BTRC: variants seen among roughly 807,000 people sequenced by gnomAD.
The protein encoded by BTRC is beta-transducin repeat containing E3 ubiquitin protein ligase.
In BTRC, 42 loss-of-function variants were observed where a neutral mutation model predicts 85.5. The observed-to-expected ratio is 0.49, with a 90% CI of 0.38 to 0.64. The LOEUF (loss-of-function observed/expected upper bound fraction) is 0.64, where lower values mean the gene tolerates loss of function less well. BTRC is among the 30% of genes least tolerant of loss of function. BTRC has a pLI of 0.00. For synonymous variants in BTRC, 255 were observed against 263.3 expected, an observed-to-expected ratio of 0.97 and a Z score of 0.30; for missense variants, 594 against 743.5, an observed-to-expected ratio of 0.80 and a Z score of 2.34.
In BTRC at chr10:101,532,402, A is replaced by G. The variant is rs983827417; in HGVS notation, c.948A>G (p.Ile316Met). 6.2e-7 allele frequency: 1 copy of G among 1,612,982 alleles called. No homozygotes were observed. The highest frequency in any genetic ancestry group is 1.3e-5 in the African/African-American group (1 of 74,890). ...GTTTACAGTATGATGATCAGAAAAT[A>G]GTAAGCGGCCTTCGAGACAACACAA... is the stretch of plus-strand genomic sequence containing the variant. ...VYCLQYDDQK[I>M]VSGLRDNTIK... Residue 316 changes from isoleucine to methionine, a missense_variant, in exon 8 of 15, where the codon ATA becomes ATG. By Grantham distance (10) the Ile-to-Met change is conservative. Transcript: ENST00000370187.
chr10:101,475,948 T>TATATATATATATATATATATAC lies in BTRC; in HGVS notation c.235-3414_235-3413insATATATATATATATACATATAT, dbSNP rs1564795659. On this transcript the variant is annotated intron_variant, in intron 3 of 14. Transcript: ENST00000370187. ...ATATATATATATATATATATATATATATATATTCAGTAATTCCTAAGGGGA... is the reference window on the plus strand; with the variant it reads ...ATATATATATATATATATATATATATATATATATATATATATATATACATATATTCAGTAATTCCTAAGGGGA... Among the ~76,000 whole-genome samples, 4 of 132,278 alleles carry TATATATATATATATATATATAC rather than the reference T, an allele frequency of 3.0e-5. 1 individual carries two copies. The highest frequency in any genetic ancestry group is 6.4e-5 in the Non-Finnish European group (4 of 62,540). 86.8% of individuals were successfully genotyped at this position (132,278 alleles called of 152,430 possible). A position where few individuals can be genotyped will look rare whatever the true frequency, so the allele number is the denominator to read the frequency against.
intron 6 of BTRC, among the ~76,000 whole-genome samples, chr10:101,529,597 G>A (rs1247989506): frequency 6.6e-6 from 1 of 152,126 alleles, no homozygotes; most frequent in Non-Finnish European, 1.5e-5. Context: ...AACGCATCTT[G>A]TTTCCCCTTT....
At chr10:101,441,834 T>A (rs1049200110) in intron 2 of BTRC, among the ~76,000 whole-genome samples, 34 of 122,802 alleles carry the variant, frequency 2.8e-4, no homozygotes, top group Middle Eastern at 7.9e-3. Flanking sequence ...TCAGCCGAGA[T>A]CACACCCACT....
intron 3 of BTRC, among the ~76,000 whole-genome samples, chr10:101,471,949 G>A (rs1319083081): frequency 1.3e-5 from 2 of 151,970 alleles, no homozygotes; most frequent in Non-Finnish European, 2.9e-5. Flanking sequence ...AGCCTCTTTC[G>A]GCAGGCTTCC....
At chr10:101,449,292 C>A (rs1034199120) in intron 2 of BTRC, among the ~76,000 whole-genome samples, 5 of 151,480 alleles carry the variant, frequency 3.3e-5, no homozygotes, top group East Asian at 3.9e-4. Context: ...AAACAAAAAA[C>A]CAGGAAACAA....
At chr10:101,542,246 C>T (rs1201969737) in intron 13 of BTRC, among the ~76,000 whole-genome samples, 11 of 152,024 alleles carry the variant, frequency 7.2e-5, no homozygotes, top group African/African-American at 2.7e-4. Flanking sequence ...CTGTTAGGAG[C>T]ATAGTCCTGT....
chr10:101,414,662 C>T (rs761865382), intron 1 of BTRC: 1 of 517,580 alleles, frequency 1.9e-6, no homozygotes, highest in Non-Finnish European at 3.9e-6. Context: ...AAAGACCTTC[C>T]AGTGCCATAA....
At chr10:101,548,310 A>G (rs1234661873) in intron 13 of BTRC, among the ~76,000 whole-genome samples, 4 of 152,264 alleles carry the variant, frequency 2.6e-5, no homozygotes, top group African/African-American at 9.6e-5. Context: ...TAATAGCCAT[A>G]AACTATAATC....
At chr10:101,447,618 C>T (rs1241203576) in intron 2 of BTRC, among the ~76,000 whole-genome samples, 1 of 152,008 alleles carries the variant, frequency 6.6e-6, no homozygotes, top group East Asian at 1.9e-4. Flanking sequence ...TGGTATTTTC[C>T]ATTCCATAAC....
rs1262438175 is a variant in BTRC at position 101,538,293 on chromosome 10, A to G, written c.1578A>G (p.Gly526=). ...NKRIVSGAYD[G]KIKVWDLVAA... ...TTTTTGTCCCCTTTTTGATCTTTAGAAAAATTAAAGTGTGGGATCTTGTGG... is the reference window on the plus strand; with the variant it reads ...TTTTTGTCCCCTTTTTGATCTTTAGGAAAATTAAAGTGTGGGATCTTGTGG... The change falls in exon 13 of 15, where the codon GGA becomes GGG. Residue 526 remains glycine (G), a splice_region_variant and synonymous_variant. Coordinates refer to ENST00000370187, the MANE Select transcript of BTRC (RefSeq NM_033637.4). 1.9e-6 allele frequency: 3 copies of G among 1,613,742 alleles called. No homozygotes were observed. Among genetic ancestry groups the G allele is most frequent in the Non-Finnish European group, 1.7e-6 (2 of 1,179,706 alleles).
chr10:101,441,879 C>CAAAAA (rs35543012), intron 2 of BTRC, among the ~76,000 whole-genome samples: 33 of 85,624 alleles, frequency 3.9e-4, no homozygotes, highest in Non-Finnish European at 5.4e-4. Flanking sequence ...GAGACTGTCT[C>CAAAAA]AAAAAAAAAA....
intron 4 of BTRC, among the ~76,000 whole-genome samples, chr10:101,497,562 C>T (rs549871342): frequency 3.4e-4 from 51 of 152,102 alleles, no homozygotes; most frequent in African/African-American, 1.1e-3. Flanking sequence ...AAAATTTATC[C>T]AGGCATGGTG....
chr10:101,449,397 A>G (rs539830375), intron 2 of BTRC, among the ~76,000 whole-genome samples: 16 of 152,254 alleles, frequency 1.1e-4, no homozygotes, highest in Non-Finnish European at 1.6e-4. Context: ...TAAAAAAACT[A>G]CTTAAGAAAA....
intron 12 of BTRC, 59 bp downstream of exon 12, chr10:101,536,712 T>A (rs1351590341): frequency 5.4e-6 from 7 of 1,286,682 alleles, no homozygotes; most frequent in African/African-American, 1.5e-5. Flanking sequence ...CTTCCTTATG[T>A]TTATGGTGTT....
intron 3 of BTRC, among the ~76,000 whole-genome samples, chr10:101,469,120 C>G (rs919961904): frequency 6.6e-6 from 1 of 152,212 alleles, no homozygotes; most frequent in Admixed American, 6.5e-5. Context: ...GCCTCTGGTT[C>G]AGCAATGAAG....
In BTRC at chr10:101,417,642, A is replaced by C. The variant is rs1351937202; in HGVS notation, c.49-12703A>C. ...GGAGGTATTTTGAGACTATTTAAGT[A>C]TCCTCCTCCTTATCAAACTTACAGT... On this transcript the variant is annotated intron_variant, in intron 1 of 14. Coordinates refer to ENST00000370187, the MANE Select transcript of BTRC (RefSeq NM_033637.4). 2.6e-5 allele frequency among the ~76,000 whole-genome samples: 4 copies of C among 152,190 alleles called. No individual in the cohort carries two copies. In the East Asian group the frequency reaches 7.7e-4, roughly 29 times the overall value.
intron 2 of BTRC, among the ~76,000 whole-genome samples, chr10:101,456,019 A>ACACACACAC (rs1564784013): frequency 1.5e-4 from 1 of 6,780 alleles, no homozygotes; most frequent in Non-Finnish European, 3.8e-4. Flanking sequence ...CACACACACA[A>ACACACACAC]AATTAGCTGG....
chr10:101,386,152 A>G (rs1342195861), intron 1 of BTRC, among the ~76,000 whole-genome samples: 4 of 152,202 alleles, frequency 2.6e-5, no homozygotes, highest in Admixed American at 6.5e-5. Flanking sequence ...TTCAGGATAT[A>G]TGGACAGATA....
At chr10:101,376,719 G>A (rs1297210902) in intron 1 of BTRC, among the ~76,000 whole-genome samples, 2 of 152,238 alleles carry the variant, frequency 1.3e-5, no homozygotes, top group East Asian at 3.9e-4. Flanking sequence ...GGAAAAGGAT[G>A]TAATTCAGTA....
Sources: gnomAD v4.1 joint callset for allele counts (sites outside exome capture counted in the v4.1 genomes callset) on GRCh38, gnomAD v4.1.1 for gene constraint, MANE v1.5 for transcripts, NCBI Gene and HGNC (gene_info 2026-07-23, HGNC 2026-07-21) for gene names.